TMEM164: variants seen among roughly 807,000 people sequenced by gnomAD.
The protein encoded by TMEM164 is transmembrane protein 164, also known as RP13-360B22.2.
In TMEM164, 4 loss-of-function variants were observed where a neutral mutation model predicts 18.8. That is an observed-to-expected ratio of 0.21 (90% CI 0.10 to 0.49). TMEM164 has a LOEUF of 0.49. TMEM164 is among the 20% of genes least tolerant of loss of function. The probability of loss-of-function intolerance (pLI) is 0.98; values close to 1 mark genes in which losing one functional copy is unlikely to be tolerated. For synonymous variants in TMEM164, 86 were observed against 101.7 expected (o/e 0.85, Z 0.93); for missense variants, 108 against 239.9 (o/e 0.45, Z 3.63).
intron 2 of TMEM164, among the ~76,000 whole-genome samples, chrX:110,052,876 G>A (rs138544121): frequency 9.5e-6 from 1 of 104,732 alleles, no homozygotes; most frequent in African/African-American, 3.5e-5. Context: ...TCAGCCTCCC[G>A]AGTAGGTGGG....
chrX:110,151,691 G>A (rs1408383513), intron 5 of TMEM164, among the ~76,000 whole-genome samples: 2 of 111,611 alleles, frequency 1.8e-5, no homozygotes, highest in Non-Finnish European at 3.8e-5. Context: ...GCTGAGGCAT[G>A]AGAATCGCTT....
intron 4 of TMEM164, 90 bp downstream of exon 4, chrX:110,109,236 G>A: frequency 1.1e-6 from 1 of 902,292 alleles, no homozygotes; most frequent in Non-Finnish European, 1.6e-6. Context: ...ACATATAGCT[G>A]GCCAGGCGCG....
intron 4 of TMEM164, among the ~76,000 whole-genome samples, chrX:110,135,258 C>T (rs2066673453): frequency 1.8e-5 from 2 of 110,163 alleles, no homozygotes; most frequent in African/African-American, 6.6e-5. Context: ...AGGATCATGC[C>T]TTATACAATA....
At chrX:110,086,552 C>T (rs1043918430) in intron 3 of TMEM164, among the ~76,000 whole-genome samples, 2 of 109,313 alleles carry the variant, frequency 1.8e-5, no homozygotes, top group African/African-American at 6.7e-5. Context: ...GAACTGTACA[C>T]TTAAAAGCAG....
At chrX:110,068,851 A>C (rs1441247950) in intron 3 of TMEM164, among the ~76,000 whole-genome samples, 1 of 111,644 alleles carries the variant, frequency 9.0e-6, no homozygotes, top group Non-Finnish European at 1.9e-5. Flanking sequence ...ACACATACAC[A>C]CACAAGTTTT....
In TMEM164 at chrX:110,015,991, G is replaced by A. The variant is rs189967273; in HGVS notation, c.390+11827G>A. On this transcript the variant is annotated intron_variant, in intron 2 of 6. Coordinates refer to ENST00000372068, the MANE Select transcript of TMEM164 (RefSeq NM_032227.4). ...TCAGGGGGGTATTGTCTTGGTCATC[G>A]GAGTCAGGGGTGGCCTTTAGGCCAA... Among the ~76,000 whole-genome samples, 397 of 112,494 alleles carry A rather than the reference G, an allele frequency of 3.5e-3. 1 individual carries two copies. The highest frequency in any genetic ancestry group is 6.6e-3 in the Non-Finnish European group (351 of 53,262).
At chrX:110,061,479 G>A in intron 2 of TMEM164, among the ~76,000 whole-genome samples, 1 of 111,947 alleles carries the variant, frequency 8.9e-6, no homozygotes. Context: ...TTGCCAATGG[G>A]ACTAGAAAAC....
At chrX:110,036,013 A>G (rs1934781568) in intron 2 of TMEM164, among the ~76,000 whole-genome samples, 1 of 111,178 alleles carries the variant, frequency 9.0e-6, no homozygotes, top group Non-Finnish European at 1.9e-5. Flanking sequence ...ATCCTCACCA[A>G]CATCAGATAT....
intron 2 of TMEM164, chrX:110,046,385 G>T: frequency 2.7e-6 from 2 of 753,551 alleles, no homozygotes. Context: ...TGTAATAGAG[G>T]AAAGCATTAA....
intron 2 of TMEM164, among the ~76,000 whole-genome samples, chrX:110,060,235 C>T (rs1457428002): frequency 1.0e-5 from 1 of 100,211 alleles, no homozygotes; most frequent in Admixed American, 1.1e-4. Context: ...CCAATGCACT[C>T]CAGACTGGGT....
At position 110,016,249 on chromosome X, in the gene TMEM164, C is replaced by T. The variant is rs774824595; in HGVS notation, c.390+12085C>T. 3.5e-5 allele frequency among the ~76,000 whole-genome samples: 4 copies of T among 112,709 alleles called. No homozygotes were observed. In the South Asian group the frequency reaches 1.4e-3, roughly 41 times the overall value. The stretch of plus-strand genomic sequence containing the variant: ...GTCTGCACCTGTTGTTTTTTCATCC[C>T]CCTTTTCCACAGTCAGTTTGCAGTG... On this transcript the variant is annotated intron_variant, in intron 2 of 6. Coordinates refer to ENST00000372068, the MANE Select transcript of TMEM164 (RefSeq NM_032227.4).
chrX:110,023,248 T>C (rs2147728128), intron 2 of TMEM164, among the ~76,000 whole-genome samples: 1 of 111,810 alleles, frequency 8.9e-6, no homozygotes, highest in African/African-American at 3.3e-5. Flanking sequence ...TCTAGTCTAA[T>C]TAGGGCACTT....
intron 5 of TMEM164, among the ~76,000 whole-genome samples, chrX:110,165,887 C>T (rs181270651): frequency 8.9e-6 from 1 of 112,693 alleles, no homozygotes; most frequent in East Asian, 2.8e-4. Context: ...AGTCTTGTCC[C>T]TCTCCAGTCC....
intron 2 of TMEM164, among the ~76,000 whole-genome samples, chrX:110,004,937 A>C (rs1191055620): frequency 8.9e-6 from 1 of 112,641 alleles, no homozygotes; most frequent in Non-Finnish European, 1.9e-5. Context: ...GTGCTAAGGA[A>C]AACAAATGGG....
intron 3 of TMEM164, among the ~76,000 whole-genome samples, chrX:110,084,928 G>A (rs767488714): frequency 1.2e-4 from 13 of 110,070 alleles, no homozygotes; most frequent in Admixed American, 3.9e-4. Flanking sequence ...TTTCTTTCTA[G>A]CTCTGTTGAG....
Position 110,095,728 on chromosome X carries a change from G to A in TMEM164, c.441-13352G>A, listed in dbSNP as rs188252001. Among the ~76,000 whole-genome samples, 317 of 112,441 alleles carry A rather than the reference G, an allele frequency of 2.8e-3. 1 individual carries two copies. The highest frequency in any genetic ancestry group is 4.1e-3 in the Non-Finnish European group (217 of 53,283). On this transcript the variant is annotated intron_variant, in intron 3 of 6. Transcript: ENST00000372068. ...CATCCAGCTTTGTTCCATTGCTAGC[G>A]AGGAGCTATGTTCCTTTGGAGGAGA...
chrX:110,076,056 T>C (rs183085714), intron 3 of TMEM164, among the ~76,000 whole-genome samples: 25 of 108,430 alleles, frequency 2.3e-4, no homozygotes, highest in African/African-American at 8.4e-4. Flanking sequence ...AGCTCTTTCT[T>C]TTTTATCCAT....
chrX:110,013,780 G>T (rs1377242636), intron 2 of TMEM164, among the ~76,000 whole-genome samples: 1 of 112,025 alleles, frequency 8.9e-6, no homozygotes, highest in Non-Finnish European at 1.9e-5. Flanking sequence ...TGTTGTGAGG[G>T]TTAAATAAAA....
intron 5 of TMEM164, among the ~76,000 whole-genome samples, chrX:110,165,454 C>G (rs1054924567): frequency 8.9e-6 from 1 of 112,751 alleles, no homozygotes; most frequent in African/African-American, 3.2e-5. Context: ...TGACTTCCAG[C>G]ACACCTCTCT....
Sources: gnomAD v4.1 joint callset for allele counts (sites outside exome capture counted in the v4.1 genomes callset) on GRCh38, gnomAD v4.1.1 for gene constraint, MANE v1.5 for transcripts, NCBI Gene and HGNC (gene_info 2026-07-23, HGNC 2026-07-21) for gene names.